Variants in CNTNAP5 observed in about 807,000 individuals in gnomAD.
CNTNAP5 encodes the protein contactin associated protein family member 5.
CNTNAP5 carries 72 observed loss-of-function variants against 150.2 expected under a neutral mutation model. The observed-to-expected ratio is 0.48, with a 90% CI of 0.40 to 0.58. The LOEUF (loss-of-function observed/expected upper bound fraction) is 0.58, where lower values mean the gene tolerates loss of function less well. Ranked by LOEUF, CNTNAP5 falls within the 20% of genes least tolerant of loss-of-function variation. The probability of loss-of-function intolerance (pLI) is 0.00; values close to 1 mark genes in which losing one functional copy is unlikely to be tolerated. For synonymous variants in CNTNAP5, 672 were observed against 619.8 expected (o/e 1.08, Z -1.25); for missense variants, 1,636 against 1,626.2 (o/e 1.01, Z -0.10).
At chr2:124,424,082 A>G (rs1046678691) in intron 4 of CNTNAP5, among the ~76,000 whole-genome samples, 18 of 152,198 alleles carry the variant, frequency 1.2e-4, no homozygotes, top group Admixed American at 3.3e-4. Context: ...TCTGTTCCAC[A>G]CAAGACCTTG....
chr2:124,057,719 C>A (rs1469812354), intron 1 of CNTNAP5, among the ~76,000 whole-genome samples: 1 of 151,182 alleles, frequency 6.6e-6, no homozygotes, highest in African/African-American at 2.4e-5. Context: ...CAGAATGAAT[C>A]TTTTAATGGA....
intron 4 of CNTNAP5, among the ~76,000 whole-genome samples, chr2:124,422,333 T>C (rs944526540): frequency 1.3e-5 from 2 of 152,226 alleles, no homozygotes; most frequent in Admixed American, 6.5e-5. Flanking sequence ...AACATATTTC[T>C]TCCACTAATT....
At position 124,315,969 on chromosome 2, in the gene CNTNAP5, A is replaced by G. The variant is rs533145516; in HGVS notation, c.381+73576A>G. ...TGCTGATGTAAGTCCTGATATAACTACTGCAACTCCCGATACCAGCCTGAG... is the reference window on the plus strand; with the variant it reads ...TGCTGATGTAAGTCCTGATATAACTGCTGCAACTCCCGATACCAGCCTGAG... On this transcript the variant is annotated intron_variant, in intron 3 of 23. Coordinates refer to ENST00000682447, the MANE Select transcript of CNTNAP5 (RefSeq NM_001367498.1). 2.6e-5 allele frequency among the ~76,000 whole-genome samples: 4 copies of G among 152,286 alleles called. No individual in the cohort carries two copies. In the East Asian group the frequency reaches 7.7e-4, roughly 29 times the overall value.
At chr2:124,853,045 A>G (rs1436525002) in intron 19 of CNTNAP5, among the ~76,000 whole-genome samples, 1 of 152,202 alleles carries the variant, frequency 6.6e-6, no homozygotes, top group Non-Finnish European at 1.5e-5. Context: ...ACATGAACTG[A>G]TGTGGAATAG....
chr2:124,111,737 C>T (rs1346982981), intron 1 of CNTNAP5, among the ~76,000 whole-genome samples: 2 of 152,206 alleles, frequency 1.3e-5, no homozygotes, highest in Non-Finnish European at 2.9e-5. Context: ...ATCCCCTTGT[C>T]TTCTTTCCGG....
chr2:124,471,653 G>A (rs1693518153), intron 6 of CNTNAP5, among the ~76,000 whole-genome samples: 1 of 152,038 alleles, frequency 6.6e-6, no homozygotes, highest in African/African-American at 2.4e-5. Context: ...GTTTTCAAGG[G>A]GAATGCTTCT....
At position 124,190,028 on chromosome 2, in the gene CNTNAP5, T is replaced by G. The variant is rs139442803; in HGVS notation, c.83-31677T>G. Among the ~76,000 whole-genome samples the G allele has an allele frequency of 5.0e-3, 759 of 152,354 alleles. 4 individuals are homozygous for G. Among genetic ancestry groups the G allele is most frequent in the African/African-American group, 0.017 (712 of 41,586 alleles). On this transcript the variant is annotated intron_variant, in intron 1 of 23. Transcript: ENST00000682447. ...GGAAACAATTACCAACTTTCCTATTTGCAGAGCTTGAGAATTGAGTTTTCT... is the reference window on the plus strand; with the variant it reads ...GGAAACAATTACCAACTTTCCTATTGGCAGAGCTTGAGAATTGAGTTTTCT...
chr2:124,617,171 G>A (rs143168360), intron 12 of CNTNAP5, among the ~76,000 whole-genome samples: 327 of 151,650 alleles, frequency 2.2e-3, no homozygotes, highest in African/African-American at 7.5e-3. Flanking sequence ...AAATGGTACC[G>A]ACAGACTTGC....
At chr2:124,779,878 G>A (rs769748712) in intron 17 of CNTNAP5, among the ~76,000 whole-genome samples, 1 of 152,070 alleles carries the variant, frequency 6.6e-6, no homozygotes, top group South Asian at 2.1e-4. Flanking sequence ...CACACAATAC[G>A]CCTGATTATA....
intron 13 of CNTNAP5, chr2:124,680,993 T>C (rs377660843): frequency 6.6e-6 from 1 of 151,508 alleles, no homozygotes; most frequent in Non-Finnish European, 1.5e-5. Flanking sequence ...CCTTTAAAAG[T>C]TGAGAAAGCT....
At chr2:124,378,909 T>C (rs1026988946) in intron 3 of CNTNAP5, among the ~76,000 whole-genome samples, 8 of 152,164 alleles carry the variant, frequency 5.3e-5, no homozygotes, top group Non-Finnish European at 1.0e-4. Flanking sequence ...TGCATATGAA[T>C]TACCTTACAT....
chr2:124,866,677 A>T (rs1558806245), intron 20 of CNTNAP5, among the ~76,000 whole-genome samples: 1 of 152,104 alleles, frequency 6.6e-6, no homozygotes, highest in Non-Finnish European at 1.5e-5. Flanking sequence ...AGTGGGCTCC[A>T]TATAAAGGGC....
intron 7 of CNTNAP5, among the ~76,000 whole-genome samples, chr2:124,475,605 G>A (rs1207197864): frequency 6.6e-6 from 1 of 151,994 alleles, no homozygotes; most frequent in African/African-American, 2.4e-5. Flanking sequence ...AGTATGCTAT[G>A]TATTCTGGTG....
chr2:124,745,517 A>T (rs1012090536), intron 13 of CNTNAP5, among the ~76,000 whole-genome samples: 1 of 152,200 alleles, frequency 6.6e-6, no homozygotes, highest in Non-Finnish European at 1.5e-5. Context: ...TAAGCCTGCC[A>T]GTCCTCTAGG....
chr2:124,056,438 C>T (rs1293265270), intron 1 of CNTNAP5, among the ~76,000 whole-genome samples: 2 of 151,502 alleles, frequency 1.3e-5, no homozygotes, highest in Non-Finnish European at 2.9e-5. Flanking sequence ...TCCTGCCTAA[C>T]ACGGTGAAAC....
intron 11 of CNTNAP5, among the ~76,000 whole-genome samples, chr2:124,568,646 T>G (rs1424934882): frequency 6.6e-6 from 1 of 152,240 alleles, no homozygotes. Context: ...TCAACCATCT[T>G]AATATTTTTC....
chr2:124,483,498 G>C (rs886634296), intron 7 of CNTNAP5, among the ~76,000 whole-genome samples: 3 of 152,314 alleles, frequency 2.0e-5, no homozygotes, highest in African/African-American at 7.2e-5. Flanking sequence ...GCTGTATTCA[G>C]AGTGGGTAGA....
chr2:124,882,838 A>C (rs2104739581), intron 21 of CNTNAP5, among the ~76,000 whole-genome samples: 1 of 152,114 alleles, frequency 6.6e-6, no homozygotes, highest in Non-Finnish European at 1.5e-5. Flanking sequence ...GGAGGAGCAA[A>C]GGCACATCTT....
intron 1 of CNTNAP5, among the ~76,000 whole-genome samples, chr2:124,123,767 T>G (rs1320006257): frequency 6.6e-6 from 1 of 152,142 alleles, no homozygotes; most frequent in Admixed American, 6.5e-5. Context: ...TTCTGCAGCC[T>G]CCGCTAGTGA....
Sources: allele counts gnomAD v4.1 joint callset (sites outside exome capture counted in the v4.1 genomes callset), GRCh38; gene constraint gnomAD v4.1.1; transcripts MANE v1.5; gene names NCBI Gene and HGNC (gene_info 2026-07-23, HGNC 2026-07-21).